The following PIGH variants were observed in gnomAD, a reference collection of about 807,000 sequenced individuals.
The protein encoded by PIGH is phosphatidylinositol glycan anchor biosynthesis class H.
A neutral mutation model predicts 20.1 loss-of-function variants in PIGH; 11 were observed. The observed-to-expected ratio is 0.55, with a 90% CI of 0.34 to 0.91. PIGH has a LOEUF of 0.91. PIGH is among the 40% of genes least tolerant of loss of function. PIGH has a pLI of 0.02. For synonymous variants in PIGH, 72 were observed against 93.1 expected (o/e 0.77, Z 1.31); for missense variants, 189 against 233.6 (o/e 0.81, Z 1.24).
intron 2 of PIGH, 94 bp from the exon 3 acceptor site, chr14:67,592,812 GTCTC>G (rs2036400362): frequency 1.2e-6 from 1 of 808,580 alleles, no homozygotes; most frequent in South Asian, 1.6e-5. Context: ...TTGAGACAGA[GTCTC>G]TCTCTGTTGC....
At chr14:67,591,856 T>G (rs972521155) in intron 3 of PIGH, 1 of 151,058 alleles carries the variant, frequency 6.6e-6, no homozygotes, top group Non-Finnish European at 1.5e-5. Context: ...TTTTTTTTTG[T>G]AAGAGCAAAA....
At position 67,589,428 on chromosome 14, in the gene PIGH, A is replaced by C; in HGVS notation, c.*652T>G. ...CTTGGCAAAAGTAGCTTTTGAACTG[A>C]TATAAAAAAAAATGCTGAGTAACAG... On this transcript the variant is annotated 3_prime_UTR_variant, in exon 4 of 4. Transcript: ENST00000216452. 1.0e-6 allele frequency: 1 copy of C among 985,340 alleles called. No individual in the cohort carries two copies. Among genetic ancestry groups the C allele is most frequent in the Non-Finnish European group, 1.2e-6 (1 of 829,860 alleles). The allele number at this position is 985,340 out of a possible 1,614,324, so 61.0% of individuals were successfully genotyped here.
At chr14:67,596,295 ATTTTTT>A (rs772451900) in intron 1 of PIGH, among the ~76,000 whole-genome samples, 24 of 60,222 alleles carry the variant, frequency 4.0e-4, no homozygotes, top group African/African-American at 1.4e-3. Context: ...CGCCCAGCTA[ATTTTTT>A]TTTTTTTTTT....
intron 1 of PIGH, among the ~76,000 whole-genome samples, chr14:67,599,813 G>A (rs1370533441): frequency 2.6e-5 from 4 of 152,174 alleles, no homozygotes. Context: ...GAAGGGGAAT[G>A]TACTATCCAG....
rs575314486 is a variant in PIGH at position 67,589,591 on chromosome 14, G to C, written c.*489C>G. 1 of 985,916 alleles carries C rather than the reference G, an allele frequency of 1.0e-6. No homozygotes were observed. 61.1% of individuals were successfully genotyped at this position (985,916 alleles called of 1,614,324 possible). Reference sequence around the variant, plus strand: ...ACAGTAAATAAATAAGCCCTGTACAGAACACAGGCACTAGGTTGACAGACT... The same window carrying C: ...ACAGTAAATAAATAAGCCCTGTACACAACACAGGCACTAGGTTGACAGACT... On this transcript the variant is annotated 3_prime_UTR_variant, in exon 4 of 4. Coordinates refer to ENST00000216452, the MANE Select transcript of PIGH (RefSeq NM_004569.5).
At chr14:67,597,348 C>A (rs2036493224) in intron 1 of PIGH, among the ~76,000 whole-genome samples, 1 of 152,020 alleles carries the variant, frequency 6.6e-6, no homozygotes, top group Admixed American at 6.6e-5. Context: ...TGTGGTGGCA[C>A]ATGCCTGTAG....
chr14:67,599,342 C>A (rs1190155672), intron 1 of PIGH, among the ~76,000 whole-genome samples: 1 of 152,158 alleles, frequency 6.6e-6, no homozygotes, highest in African/African-American at 2.4e-5. Context: ...GCTGGTATGG[C>A]AGGCATGAAT....
chr14:67,595,896 A>G (rs1195661602), intron 1 of PIGH, among the ~76,000 whole-genome samples: 1 of 152,104 alleles, frequency 6.6e-6, no homozygotes, highest in Non-Finnish European at 1.5e-5. Context: ...CTCCTACCTT[A>G]TGACTTCTTG....
rs764157130 is a variant in PIGH, at chr14:67,589,786, G to C, written c.*294C>G. On this transcript the variant is annotated 3_prime_UTR_variant, in exon 4 of 4. Transcript: ENST00000216452. ...AACAAAGTAAACCTGAACATGCTTA[G>C]CAATTTCCGAAAGTGTTCTTTGCTG... 9.2e-7 allele frequency: 1 copy of C among 1,090,940 alleles called. No homozygotes were observed. Among genetic ancestry groups the C allele is most frequent in the African/African-American group, 1.6e-5 (1 of 61,006 alleles). 67.6% of individuals were successfully genotyped at this position (1,090,940 alleles called of 1,614,324 possible).
Position 67,592,735 on chromosome 14 carries a change from CA to C in PIGH, c.391-18del. The C allele has an allele frequency of 6.9e-7, 1 of 1,448,746 alleles. No individual in the cohort carries two copies. The allele number at this position is 1,448,746 out of a possible 1,614,324, so 89.7% of individuals were successfully genotyped here. ...CACCTTCTGCTGTAAGAAAATAAAT[CA>C]AATAGCAAAGTCTAAGTGAAACTCA... is the stretch of plus-strand genomic sequence containing the variant. On this transcript the variant is annotated intron_variant, in intron 2 of 3. Transcript: ENST00000216452.
chr14:67,592,872 A>G (rs1594807622), intron 2 of PIGH, 154 bp from the exon 3 acceptor site: 2 of 525,040 alleles, frequency 3.8e-6, no homozygotes, highest in Non-Finnish European at 6.9e-6. Context: ...TGCAACCTCT[A>G]CCTCCCAGGT....
intron 2 of PIGH, 43 bp from the exon 3 acceptor site, chr14:67,592,761 A>C: frequency 8.7e-7 from 1 of 1,145,362 alleles, no homozygotes; most frequent in Non-Finnish European, 1.3e-6. Flanking sequence ...AGTGAAACTC[A>C]TTTTGCATTC....
rs2036558061 is a variant in PIGH at position 67,600,266 on chromosome 14, C to T, written c.-63G>A. ...CACTGCGCTCGCCGGCCCTGGCCGT[C>T]TCGCCCGCTCCAGACCCGCTTCCGG... On this transcript the variant is annotated 5_prime_UTR_variant, in exon 1 of 4. Coordinates refer to ENST00000216452, the MANE Select transcript of PIGH (RefSeq NM_004569.5). 2.9e-6 allele frequency: 4 copies of T among 1,372,946 alleles called. No homozygotes were observed. Among genetic ancestry groups the T allele is most frequent in the Middle Eastern group, 1.9e-4 (1 of 5,360 alleles). The allele number at this position is 1,372,946 out of a possible 1,614,324, so 85.0% of individuals were successfully genotyped here. A position where few individuals can be genotyped will look rare whatever the true frequency, so the allele number is the denominator to read the frequency against.
intron 1 of PIGH, among the ~76,000 whole-genome samples, chr14:67,598,344 G>A (rs2036511763): frequency 6.6e-6 from 1 of 152,154 alleles, no homozygotes; most frequent in Non-Finnish European, 1.5e-5. Context: ...TGGCATAAAA[G>A]CAGGCTTTTG....
chr14:67,594,984 A>G (rs1008906415), intron 1 of PIGH, among the ~76,000 whole-genome samples: 25 of 151,752 alleles, frequency 1.6e-4, no homozygotes, highest in South Asian at 2.1e-4. Context: ...AAAAATACTA[A>G]AAGTTAGCCG....
chr14:67,593,585 C>A, intron 2 of PIGH, 158 bp downstream of exon 2: 1 of 584,042 alleles, frequency 1.7e-6, no homozygotes, highest in Non-Finnish European at 3.0e-6. Flanking sequence ...ATGCTAATTC[C>A]CTATCCATGA....
chr14:67,592,818 C>T, intron 2 of PIGH, 100 bp from the exon 3 acceptor site: 2 of 773,706 alleles, frequency 2.6e-6, no homozygotes, highest in Non-Finnish European at 4.3e-6. Context: ...CAGAGTCTCT[C>T]TCTGTTGCCC....
chr14:67,599,889 C>G (rs2036544001), intron 1 of PIGH, 135 bp downstream of exon 1: 1 of 669,498 alleles, frequency 1.5e-6, no homozygotes, highest in Admixed American at 3.2e-5. Context: ...CCCCAGAACC[C>G]GTGAGTTCCC....
At position 67,599,118 on chromosome 14, in the gene PIGH, C is replaced by CA. The variant is rs561280854; in HGVS notation, c.180+905dup. On this transcript the variant is annotated intron_variant, in intron 1 of 3. Transcript: ENST00000216452. ...CATGCTCTGAAACACGCTTTGACAGCAAAAAAGCGAATGGATGCAGTAATG... is the reference window on the plus strand; with the variant it reads ...CATGCTCTGAAACACGCTTTGACAGCAAAAAAAGCGAATGGATGCAGTAATG... 3.3e-5 allele frequency among the ~76,000 whole-genome samples: 5 copies of CA among 152,056 alleles called. No homozygotes were observed. The East Asian group carries it at 7.7e-4, about 23-fold the overall frequency.
Sources: gnomAD v4.1 joint callset for allele counts (sites outside exome capture counted in the v4.1 genomes callset) on GRCh38, gnomAD v4.1.1 for gene constraint, MANE v1.5 for transcripts, NCBI Gene and HGNC (gene_info 2026-07-23, HGNC 2026-07-21) for gene names.